PRKAR2A: variants seen among roughly 807,000 people sequenced by gnomAD.
The protein encoded by PRKAR2A is protein kinase cAMP-dependent type II regulatory subunit alpha.
PRKAR2A carries 29 observed loss-of-function variants against 51.9 expected under a neutral mutation model. The observed-to-expected ratio is 0.56, with a 90% confidence interval of 0.42 to 0.76. PRKAR2A has a LOEUF of 0.76. Among genes scored for constraint, PRKAR2A ranks in the 30% least tolerant of loss-of-function variants. PRKAR2A has a pLI of 0.00. For missense variants in PRKAR2A, 445 were observed against 512.1 expected (o/e 0.87, Z 1.26); for synonymous variants, 178 against 186.2 (o/e 0.96, Z 0.36).
chr3:48,820,954 AC>A, intron 1 of PRKAR2A, among the ~76,000 whole-genome samples: 1 of 152,236 alleles, frequency 6.6e-6, no homozygotes, highest in South Asian at 2.1e-4. Flanking sequence ...CCAGAATAGA[AC>A]CAATAAACTT....
chr3:48,812,787 A>G (rs925499796), intron 1 of PRKAR2A, among the ~76,000 whole-genome samples: 2 of 152,160 alleles, frequency 1.3e-5, no homozygotes, highest in Non-Finnish European at 2.9e-5. Flanking sequence ...CTGGCCAGAA[A>G]AAACTTTTAC....
At chr3:48,775,005 T>C (rs2107263957) in intron 5 of PRKAR2A, among the ~76,000 whole-genome samples, 1 of 152,318 alleles carries the variant, frequency 6.6e-6, no homozygotes, top group South Asian at 2.1e-4. Context: ...ATGCCTTTAG[T>C]CTAGTTAGGG....
intron 1 of PRKAR2A, among the ~76,000 whole-genome samples, chr3:48,828,860 G>A (rs2083116996): frequency 6.6e-6 from 1 of 151,504 alleles, no homozygotes; most frequent in Non-Finnish European, 1.5e-5. Context: ...TTGAGACAGA[G>A]CCTTGCTCTG....
intron 6 of PRKAR2A, among the ~76,000 whole-genome samples, chr3:48,770,600 G>A (rs2082015685): frequency 6.6e-6 from 1 of 152,150 alleles, no homozygotes; most frequent in African/African-American, 2.4e-5. Flanking sequence ...CAATTAACAG[G>A]AGAAAAGTAG....
intron 9 of PRKAR2A, among the ~76,000 whole-genome samples, chr3:48,754,135 C>T (rs140474186): frequency 6.6e-6 from 1 of 151,970 alleles, no homozygotes; most frequent in Middle Eastern, 3.4e-3. Context: ...CTCCTGACCT[C>T]GTGATCCGCC....
chr3:48,820,963 C>A (rs2082950236), intron 1 of PRKAR2A, among the ~76,000 whole-genome samples: 1 of 152,160 alleles, frequency 6.6e-6, no homozygotes, highest in African/African-American at 2.4e-5. Context: ...AACCAATAAA[C>A]TTCACAGTTC....
At chr3:48,827,294 A>G (rs2083084192) in intron 1 of PRKAR2A, among the ~76,000 whole-genome samples, 1 of 152,052 alleles carries the variant, frequency 6.6e-6, no homozygotes, top group African/African-American at 2.4e-5. Context: ...ATCTTCCCCA[A>G]AAGAACCCTC....
intron 1 of PRKAR2A, among the ~76,000 whole-genome samples, chr3:48,827,378 G>C (rs969242427): frequency 1.3e-5 from 2 of 150,826 alleles, no homozygotes; most frequent in Admixed American, 1.3e-4. Context: ...AAGAACATAA[G>C]TATGTCTGCT....
chr3:48,800,710 G>A (rs1045854895), intron 2 of PRKAR2A, among the ~76,000 whole-genome samples: 2 of 151,550 alleles, frequency 1.3e-5, no homozygotes, highest in Non-Finnish European at 2.9e-5. Context: ...TTGCTCTGTC[G>A]CGCAGGCTGG....
chr3:48,749,683 T>C lies in PRKAR2A; in HGVS notation c.*1902A>G, dbSNP rs1373763169. The C allele has an allele frequency of 6.6e-6, 1 of 152,068 alleles. No homozygotes were observed. The highest frequency in any genetic ancestry group is 2.4e-5 in the African/African-American group (1 of 41,394). The allele number at this position is 152,068 out of a possible 1,614,324, so 9.4% of individuals were successfully genotyped here. A position where few individuals can be genotyped will look rare whatever the true frequency, so the allele number is the denominator to read the frequency against. ...TTTTAGTAGAGACGGGGTTTCACTATGTTGGCCAGGCTGGTCTTGAACCCC... is the reference window on the plus strand; with the variant it reads ...TTTTAGTAGAGACGGGGTTTCACTACGTTGGCCAGGCTGGTCTTGAACCCC... On this transcript the variant is annotated 3_prime_UTR_variant, in exon 11 of 11. Transcript: ENST00000265563.
intron 1 of PRKAR2A, among the ~76,000 whole-genome samples, chr3:48,818,494 A>C (rs1169276506): frequency 6.6e-6 from 1 of 152,140 alleles, no homozygotes; most frequent in African/African-American, 2.4e-5. Context: ...AGTGGCTCAC[A>C]CCCATAATCT....
intron 2 of PRKAR2A, among the ~76,000 whole-genome samples, chr3:48,801,777 C>T (rs2082594654): frequency 6.6e-6 from 1 of 151,872 alleles, no homozygotes; most frequent in Admixed American, 6.6e-5. Flanking sequence ...ATACTTGTTG[C>T]CCAGGCTGGA....
intron 2 of PRKAR2A, among the ~76,000 whole-genome samples, chr3:48,802,233 G>C (rs2082602197): frequency 1.3e-5 from 2 of 151,948 alleles, no homozygotes; most frequent in Admixed American, 1.3e-4. Flanking sequence ...GTAGAGACAG[G>C]ATTTCACCAT....
rs2082446447 is a variant in PRKAR2A, at chr3:48,794,047, A to T, written c.301T>A (p.Cys101Ser). 1 of 1,600,532 alleles carries T rather than the reference A, an allele frequency of 6.2e-7. No individual in the cohort carries two copies. The change falls in exon 3 of 11, where the codon TGT (cysteine) becomes AGT (serine). Residue 101 changes from cysteine (C) to serine (S), a missense_variant and splice_region_variant. Transcript: ENST00000265563. ...TCATCAGGGTTATAGGTCTCAGCAC[A>T]GACTAAAATTGGAGAGAAAAAAACA... ...PSRFNRRVSV[C>S]AETYNPDEEE...
chr3:48,846,024 C>T (rs913046857), intron 1 of PRKAR2A, among the ~76,000 whole-genome samples: 3 of 151,694 alleles, frequency 2.0e-5, no homozygotes, highest in Non-Finnish European at 4.4e-5. Context: ...GTTTCCTGCT[C>T]GGTCCTTATT....
chr3:48,840,817 C>T (rs2083367729), intron 1 of PRKAR2A, among the ~76,000 whole-genome samples: 1 of 150,350 alleles, frequency 6.7e-6, no homozygotes, highest in South Asian at 2.1e-4. Context: ...ACCTCGTGAT[C>T]CGCCCACCTC....
At chr3:48,826,538 C>T (rs2083070339) in intron 1 of PRKAR2A, among the ~76,000 whole-genome samples, 1 of 152,042 alleles carries the variant, frequency 6.6e-6, no homozygotes, top group Admixed American at 6.6e-5. Context: ...CTGGCGTTTC[C>T]TAACATAGAC....
chr3:48,783,171 G>A (rs928515177), intron 4 of PRKAR2A, 79 bp from the exon 5 acceptor site: 12 of 927,782 alleles, frequency 1.3e-5, no homozygotes, highest in Non-Finnish European at 1.9e-5. Flanking sequence ...ATCTCAATTT[G>A]TGACTATGTA....
downstream of PRKAR2A, among the ~76,000 whole-genome samples, chr3:48,745,947 A>G (rs1453634232): frequency 1.3e-5 from 2 of 151,898 alleles, no homozygotes; most frequent in African/African-American, 4.8e-5. Context: ...AAAAAGGCCA[A>G]CTCTTCCCCA....
Sources: gnomAD v4.1 joint callset for allele counts (sites outside exome capture counted in the v4.1 genomes callset) on GRCh38, gnomAD v4.1.1 for gene constraint, MANE v1.5 for transcripts, NCBI Gene and HGNC (gene_info 2026-07-23, HGNC 2026-07-21) for gene names.